Variants in DDX10 observed in about 807,000 individuals in gnomAD.
The protein encoded by DDX10 is DEAD-box helicase 10.
Under a neutral mutation model 104.3 loss-of-function variants are expected in DDX10, and 74 were observed. The observed-to-expected ratio is 0.71, with a 90% confidence interval of 0.59 to 0.86. DDX10 has a LOEUF of 0.86. DDX10 is among the 40% of genes least tolerant of loss of function. DDX10 has a pLI of 0.00. For synonymous variants in DDX10, 351 were observed against 353.4 expected, an observed-to-expected ratio of 0.99 and a Z score of 0.08; for missense variants, 952 against 1,040.0, an observed-to-expected ratio of 0.92 and a Z score of 1.16.
At chr11:108,875,652 A>G (rs140533982) in intron 16 of DDX10, among the ~76,000 whole-genome samples, 19 of 152,326 alleles carry the variant, frequency 1.2e-4, no homozygotes, top group African/African-American at 4.3e-4. Context: ...AGAAAAAGAG[A>G]GGATCTTTGT....
chr11:108,919,918 T>C (rs2134665717), intron 17 of DDX10: 1 of 150,744 alleles, frequency 6.6e-6, no homozygotes, highest in South Asian at 2.1e-4. Flanking sequence ...TCCTGTTAAT[T>C]GGCTGTAAAT....
intron 6 of DDX10, among the ~76,000 whole-genome samples, chr11:108,684,432 T>G (rs1267389648): frequency 7.1e-6 from 1 of 141,240 alleles, no homozygotes; most frequent in Non-Finnish European, 1.5e-5. Flanking sequence ...TTCCCACCTA[T>G]GAGTGAGAAT....
intron 11 of DDX10, among the ~76,000 whole-genome samples, chr11:108,718,163 CAA>C (rs5794602): frequency 6.6e-5 from 9 of 135,664 alleles, no homozygotes; most frequent in East Asian, 2.1e-4. Flanking sequence ...GGCTCTGTCT[CAA>C]AAAAAAAAAA....
chr11:108,726,752 G>T lies in DDX10; in HGVS notation c.1965+3290G>T, dbSNP rs185757602. On this transcript the variant is annotated intron_variant, in intron 13 of 17. Coordinates refer to ENST00000322536, the MANE Select transcript of DDX10 (RefSeq NM_004398.4). ...AGAAGTGGTGAGAGTAGATATTGCT[G>T]TGTTGTTCCTGATCTTACTGAGGGG... Among the ~76,000 whole-genome samples, 683 of 152,118 alleles carry T rather than the reference G, an allele frequency of 4.5e-3. 13 individuals are homozygous for T. The highest frequency in any genetic ancestry group is 3.4e-3 in the Middle Eastern group (1 of 294).
At chr11:108,918,270 T>G in intron 17 of DDX10, 2 of 431,826 alleles carry the variant, frequency 4.6e-6, no homozygotes, top group Non-Finnish European at 4.0e-6. Flanking sequence ...GATATATGAG[T>G]TGTGTTTTTC....
At chr11:108,784,337 A>G (rs188128988) in intron 13 of DDX10, among the ~76,000 whole-genome samples, 442 of 152,002 alleles carry the variant, frequency 2.9e-3, no homozygotes, top group African/African-American at 8.0e-3. Flanking sequence ...AGTAACCTCC[A>G]TTGTGATTGG....
intron 16 of DDX10, among the ~76,000 whole-genome samples, chr11:108,859,223 A>T (rs1305861120): frequency 6.6e-6 from 1 of 152,204 alleles, no homozygotes; most frequent in Non-Finnish European, 1.5e-5. Context: ...AATAAGAGGA[A>T]ATTTTTCAGG....
intron 13 of DDX10, among the ~76,000 whole-genome samples, chr11:108,749,070 T>TCTCTC (rs2094335240): frequency 1.3e-5 from 2 of 150,732 alleles, no homozygotes; most frequent in African/African-American, 4.9e-5. Flanking sequence ...CTCTCTCTCT[T>TCTCTC]TCTCTCTCTC....
At chr11:108,842,406 A>G (rs1862650297) in intron 15 of DDX10, among the ~76,000 whole-genome samples, 1 of 152,226 alleles carries the variant, frequency 6.6e-6, no homozygotes, top group African/African-American at 2.4e-5. Context: ...GGATGTGAAC[A>G]TTGTTAAGTA....
intron 13 of DDX10, among the ~76,000 whole-genome samples, chr11:108,777,420 C>G (rs1020297428): frequency 6.6e-6 from 1 of 152,042 alleles, no homozygotes; most frequent in African/African-American, 2.4e-5. Flanking sequence ...ACCTCTGCCT[C>G]CTGGATTCAA....
chr11:108,833,900 C>T (rs543300846), intron 13 of DDX10, among the ~76,000 whole-genome samples: 2 of 152,274 alleles, frequency 1.3e-5, no homozygotes, highest in East Asian at 1.9e-4. Flanking sequence ...GACACCCAAA[C>T]GCCCAACATT....
chr11:108,675,328 G>A (rs1329354574), intron 2 of DDX10, among the ~76,000 whole-genome samples: 1 of 152,144 alleles, frequency 6.6e-6, no homozygotes, highest in Non-Finnish European at 1.5e-5. Flanking sequence ...TCTTCACATG[G>A]TTTTCCCTCT....
In DDX10 at chr11:108,823,269, G is replaced by A. The variant is rs190757137; in HGVS notation, c.1966-15177G>A. Reference sequence around the variant, plus strand: ...TAGGCTAGCCTTTGACTTTTCATTTGGTACTTTCTGCTTAGCTAATATTTA... The same window carrying A: ...TAGGCTAGCCTTTGACTTTTCATTTAGTACTTTCTGCTTAGCTAATATTTA... On this transcript the variant is annotated intron_variant, in intron 13 of 17. Coordinates refer to ENST00000322536, the MANE Select transcript of DDX10 (RefSeq NM_004398.4). Among the ~76,000 whole-genome samples the A allele has an allele frequency of 2.1e-3, 317 of 152,174 alleles. 1 individual carries two copies. Among genetic ancestry groups the A allele is most frequent in the South Asian group, 3.3e-3 (16 of 4,822 alleles).
At chr11:108,744,451 T>G (rs973677969) in intron 13 of DDX10, among the ~76,000 whole-genome samples, 2 of 152,190 alleles carry the variant, frequency 1.3e-5, no homozygotes, top group Non-Finnish European at 2.9e-5. Flanking sequence ...AGGGACTCAT[T>G]TATTCTTCCA....
At position 108,699,681 on chromosome 11, in the gene DDX10, C is replaced by T. The variant is rs1201087146; in HGVS notation, c.1223+6081C>T. On this transcript the variant is annotated intron_variant, in intron 9 of 17. Coordinates refer to ENST00000322536, the MANE Select transcript of DDX10 (RefSeq NM_004398.4). ...CCTGGGGTTGCATGTCAGTTCTGTT[C>T]CTTGTAGGGGGACTACACAAGGGTG... is the stretch of plus-strand genomic sequence containing the variant. 5.9e-5 allele frequency among the ~76,000 whole-genome samples: 9 copies of T among 152,266 alleles called. No homozygotes were observed. In the East Asian group the frequency reaches 1.7e-3, roughly 29 times the overall value.
intron 16 of DDX10, among the ~76,000 whole-genome samples, chr11:108,916,707 G>GT: frequency 6.6e-6 from 1 of 152,272 alleles, no homozygotes. Context: ...ATAATTTTCT[G>GT]TTAAATGCAT....
At chr11:108,700,554 A>G (rs1441223782) in intron 9 of DDX10, among the ~76,000 whole-genome samples, 1 of 152,176 alleles carries the variant, frequency 6.6e-6, no homozygotes, top group African/African-American at 2.4e-5. Context: ...ATGTCTTCAA[A>G]TTTGTTGACA....
rs1314511881 is a variant in DDX10, at chr11:108,739,091, T to C, written c.1965+15629T>C. Among the ~76,000 whole-genome samples the C allele has an allele frequency of 2.6e-5, 4 of 152,152 alleles. No homozygotes were observed. The East Asian group carries it at 7.7e-4, about 29-fold the overall frequency. The stretch of plus-strand genomic sequence containing the variant: ...CCCCCCCAGGGAGACACTTTCTGTC[T>C]CTCCTAAGGCTGTATGCTATCCAGA... On this transcript the variant is annotated intron_variant, in intron 13 of 17. Transcript: ENST00000322536.
In DDX10 at chr11:108,887,847, G is replaced by T. The variant is rs551688447; in HGVS notation, c.2305-30026G>T. ...AGACAGGAAAATCGCTTAAACCTGG[G>T]CAGTAGAGATTGCGGTGAGCCGCGA... On this transcript the variant is annotated intron_variant, in intron 16 of 17. Coordinates refer to ENST00000322536, the MANE Select transcript of DDX10 (RefSeq NM_004398.4). 6.6e-5 allele frequency among the ~76,000 whole-genome samples: 10 copies of T among 152,090 alleles called. No individual in the cohort carries two copies. The South Asian group carries it at 2.1e-3, about 32-fold the overall frequency.
Sources: allele counts gnomAD v4.1 joint callset (sites outside exome capture counted in the v4.1 genomes callset), GRCh38; gene constraint gnomAD v4.1.1; transcripts MANE v1.5; gene names NCBI Gene and HGNC (gene_info 2026-07-23, HGNC 2026-07-21).